Variants in VMP1 observed in about 807,000 individuals in gnomAD.
The protein encoded by VMP1 is ectopic P-granules autophagy protein 3 homolog.
In VMP1, 11 loss-of-function variants were observed where a neutral mutation model predicts 56.0. The ratio of observed to expected loss-of-function variants is 0.20; its 90% CI spans 0.12 to 0.32. The LOEUF is 0.32. Ranked by LOEUF, VMP1 falls within the 10% of genes least tolerant of loss-of-function variation. The pLI is 1.00. For missense variants in VMP1, 296 were observed against 490.3 expected (o/e 0.60, Z 3.74); for synonymous variants, 149 against 165.0 (o/e 0.90, Z 0.74).
chr17:59,811,093 G>A (rs894380363), intron 8 of VMP1, among the ~76,000 whole-genome samples: 4 of 151,994 alleles, frequency 2.6e-5, no homozygotes, highest in Non-Finnish European at 4.4e-5. Flanking sequence ...TTGGTCTCTC[G>A]TAAAATAAAA....
chr17:59,834,319 A>T (rs1241536317), intron 10 of VMP1, among the ~76,000 whole-genome samples: 1 of 147,274 alleles, frequency 6.8e-6, no homozygotes, highest in East Asian at 2.1e-4. Context: ...GTAGAGTGCA[A>T]TGGCATGATC....
chr17:59,791,131 C>G (rs2037209484), intron 7 of VMP1, among the ~76,000 whole-genome samples: 1 of 151,248 alleles, frequency 6.6e-6, no homozygotes, highest in Admixed American at 6.6e-5. Context: ...GCCTGTTTAG[C>G]AATGCATTTT....
intron 1 of VMP1, among the ~76,000 whole-genome samples, chr17:59,718,892 A>G (rs1044941005): frequency 6.6e-6 from 1 of 151,938 alleles, no homozygotes; most frequent in Non-Finnish European, 1.5e-5. Context: ...ATATATCCCC[A>G]TTCACATTAT....
At chr17:59,799,894 C>T (rs139110692) in intron 7 of VMP1, among the ~76,000 whole-genome samples, 5,423 of 142,158 alleles carry the variant, frequency 0.038, 361 homozygotes, top group African/African-American at 0.13. Flanking sequence ...ACCCGGGAGG[C>T]GGAGGTTACA....
intron 1 of VMP1, among the ~76,000 whole-genome samples, chr17:59,709,752 G>C (rs2033833632): frequency 6.6e-6 from 1 of 152,116 alleles, no homozygotes; most frequent in Non-Finnish European, 1.5e-5. Context: ...AATGAGTATA[G>C]TTTTGCATTC....
Position 59,731,540 on chromosome 17 carries a change from G to T in VMP1, c.76+18G>T. 6.4e-7 allele frequency: 1 copy of T among 1,560,308 alleles called. No homozygotes were observed. The highest frequency in any genetic ancestry group is 8.7e-7 in the Non-Finnish European group (1 of 1,154,936). ...TTTCACAGGTAAATTTTGATGGTTTGCAGGGAGGAGTGCTATGGGTTTAAA... is the reference window on the plus strand; with the variant it reads ...TTTCACAGGTAAATTTTGATGGTTTTCAGGGAGGAGTGCTATGGGTTTAAA... On this transcript the variant is annotated intron_variant, in intron 2 of 11. Transcript: ENST00000262291.
chr17:59,816,735 C>T (rs557097504), intron 9 of VMP1, among the ~76,000 whole-genome samples: 17 of 149,978 alleles, frequency 1.1e-4, no homozygotes, highest in Admixed American at 8.6e-4. Context: ...GTCAGGAGTT[C>T]GAGACCATCC....
chr17:59,811,564 T>G, intron 8 of VMP1, 106 bp from the exon 9 acceptor site: 1 of 819,950 alleles, frequency 1.2e-6, no homozygotes, highest in East Asian at 2.4e-5. Context: ...CATATATTGC[T>G]TTGCAGTGTA....
intron 7 of VMP1, among the ~76,000 whole-genome samples, chr17:59,796,629 A>G (rs2037447415): frequency 6.6e-6 from 1 of 152,206 alleles, no homozygotes; most frequent in Non-Finnish European, 1.5e-5. Context: ...GGAAATTGGA[A>G]GTAACTTTCA....
chr17:59,719,128 G>T (rs2034291708), intron 1 of VMP1, among the ~76,000 whole-genome samples: 1 of 152,148 alleles, frequency 6.6e-6, no homozygotes, highest in African/African-American at 2.4e-5. Flanking sequence ...TCCAAGAGTA[G>T]ATCACAATTC....
intron 11 of VMP1, chr17:59,839,073 C>G (rs2039074641): frequency 6.5e-6 from 1 of 153,466 alleles, no homozygotes; most frequent in African/African-American, 2.4e-5. Context: ...TGGCTCACTG[C>G]AACCTCCGCC....
At chr17:59,819,734 G>C (rs527887549) in intron 10 of VMP1, among the ~76,000 whole-genome samples, 2 of 152,314 alleles carry the variant, frequency 1.3e-5, no homozygotes, top group South Asian at 4.1e-4. Flanking sequence ...TTACAGGCAT[G>C]AGCCTCCGCT....
At chr17:59,775,019 A>T (rs1054807089) in intron 7 of VMP1, among the ~76,000 whole-genome samples, 4 of 150,142 alleles carry the variant, frequency 2.7e-5, no homozygotes, top group African/African-American at 4.9e-5. Context: ...TCGGCTCACT[A>T]CAAGCTCCAC....
chr17:59,780,933 T>C (rs1277380410), intron 7 of VMP1, among the ~76,000 whole-genome samples: 2 of 152,176 alleles, frequency 1.3e-5, no homozygotes, highest in Non-Finnish European at 2.9e-5. Flanking sequence ...TTCACCAGTT[T>C]CCATCAATTT....
intron 5 of VMP1, among the ~76,000 whole-genome samples, chr17:59,757,258 T>TAGAC (rs1398329570): frequency 6.6e-6 from 1 of 151,570 alleles, no homozygotes; most frequent in Non-Finnish European, 1.5e-5. Context: ...GATAGATAGA[T>TAGAC]AGATAGATAG....
At chr17:59,756,134 G>C (rs1237294779) in intron 5 of VMP1, among the ~76,000 whole-genome samples, 1 of 152,082 alleles carries the variant, frequency 6.6e-6, no homozygotes, top group African/African-American at 2.4e-5. Flanking sequence ...ATTGGGAATC[G>C]ATATTTTACA....
chr17:59,762,177 C>T lies in VMP1; in HGVS notation c.415-2794C>T, dbSNP rs142772068. On this transcript the variant is annotated intron_variant, in intron 5 of 11. Coordinates refer to ENST00000262291, the MANE Select transcript of VMP1 (RefSeq NM_030938.5). ...GTCTAGTATCCGTTACTTCATCCGC[C>T]GTGAGACAGAAAACCTTCAGCCATA... Among the ~76,000 whole-genome samples the T allele has an allele frequency of 2.5e-3, 374 of 152,258 alleles. 2 individuals are homozygous for T. The highest frequency in any genetic ancestry group is 8.3e-3 in the African/African-American group (344 of 41,548).
intron 7 of VMP1, among the ~76,000 whole-genome samples, chr17:59,791,429 G>A (rs1236107341): frequency 4.6e-5 from 7 of 151,192 alleles, no homozygotes; most frequent in Non-Finnish European, 8.8e-5. Context: ...GACCTCAGGC[G>A]ATCCACCCAC....
chr17:59,808,680 A>C, intron 7 of VMP1, 116 bp from the exon 8 acceptor site: 1 of 757,004 alleles, frequency 1.3e-6, no homozygotes, highest in South Asian at 1.9e-5. Flanking sequence ...TTTTTTCATC[A>C]TTCATCTTAT....
Sources: allele counts gnomAD v4.1 joint callset (sites outside exome capture counted in the v4.1 genomes callset), GRCh38; gene constraint gnomAD v4.1.1; transcripts MANE v1.5; gene names NCBI Gene and HGNC (gene_info 2026-07-23, HGNC 2026-07-21).